The following MDGA2 variants were observed in gnomAD, a reference collection of about 807,000 sequenced individuals.
MDGA2 encodes MAM domain containing glycosylphosphatidylinositol anchor 2.
MDGA2 carries 40 observed loss-of-function variants against 117.8 expected under a neutral mutation model. That is an observed-to-expected ratio of 0.34 (90% CI 0.26 to 0.44). The LOEUF (loss-of-function observed/expected upper bound fraction) is 0.44. MDGA2 is among the 20% of genes least tolerant of loss of function. The pLI is 1.00. For missense variants in MDGA2, 1,123 were observed against 1,250.6 expected, an observed-to-expected ratio of 0.90 and a Z score of 1.54; for synonymous variants, 452 against 439.0, an observed-to-expected ratio of 1.03 and a Z score of -0.37.
At chr14:47,620,341 T>C (rs546131358) in intron 1 of MDGA2, among the ~76,000 whole-genome samples, 2 of 152,266 alleles carry the variant, frequency 1.3e-5, no homozygotes, top group Non-Finnish European at 2.9e-5. Context: ...TGGACACCAC[T>C]GTGATATTGT....
chr14:47,660,530 G>C (rs914609606), intron 1 of MDGA2, among the ~76,000 whole-genome samples: 78 of 152,176 alleles, frequency 5.1e-4, no homozygotes, highest in African/African-American at 1.8e-3. Context: ...GAGAAGGGCA[G>C]AGCTCGCAAT....
chr14:47,136,197 C>CTTTT (rs34818512), intron 4 of MDGA2, among the ~76,000 whole-genome samples: 2 of 131,034 alleles, frequency 1.5e-5, no homozygotes, highest in Non-Finnish European at 3.3e-5. Flanking sequence ...TGTTTTCTCT[C>CTTTT]TTTTTTTTTT....
chr14:47,312,178 C>A (rs2416043), intron 1 of MDGA2, among the ~76,000 whole-genome samples: 32,945 of 152,080 alleles, frequency 0.22, 4,385 homozygotes, highest in East Asian at 0.44. Context: ...TCTGCTCAAA[C>A]AATTCAATTT....
At chr14:47,523,681 G>A (rs1894915315) in intron 1 of MDGA2, among the ~76,000 whole-genome samples, 1 of 152,248 alleles carries the variant, frequency 6.6e-6, no homozygotes, top group African/African-American at 2.4e-5. Flanking sequence ...TCAGTCTCCA[G>A]GTGACTCCAG....
At chr14:47,593,658 A>G (rs529712553) in intron 1 of MDGA2, among the ~76,000 whole-genome samples, 73 of 152,222 alleles carry the variant, frequency 4.8e-4, no homozygotes, top group African/African-American at 1.5e-3. Flanking sequence ...GTTCTCACTC[A>G]TAAGTGTGAA....
chr14:47,175,366 G>A (rs1223932269), intron 3 of MDGA2, among the ~76,000 whole-genome samples: 2 of 151,418 alleles, frequency 1.3e-5, no homozygotes, highest in Non-Finnish European at 1.5e-5. Context: ...TTTTAGACCA[G>A]TATCCTTGAT....
chr14:47,642,737 A>C (rs1488302128), intron 1 of MDGA2, among the ~76,000 whole-genome samples: 1 of 152,106 alleles, frequency 6.6e-6, no homozygotes, highest in Non-Finnish European at 1.5e-5. Flanking sequence ...TCCATAACCC[A>C]ACTTCTGTTA....
chr14:46,899,622 A>C (rs1160073710), intron 10 of MDGA2, among the ~76,000 whole-genome samples: 1 of 152,040 alleles, frequency 6.6e-6, no homozygotes, highest in Admixed American at 6.6e-5. Flanking sequence ...AACCTAGACC[A>C]GCTGAGGATG....
intron 6 of MDGA2, among the ~76,000 whole-genome samples, chr14:47,082,103 CATT>C (rs1566613291): frequency 6.6e-6 from 1 of 152,036 alleles, no homozygotes; most frequent in Non-Finnish European, 1.5e-5. Context: ...GTTCTATCAT[CATT>C]GTTCTTCAAA....
intron 1 of MDGA2, among the ~76,000 whole-genome samples, chr14:47,496,000 G>A (rs1294374104): frequency 6.6e-6 from 1 of 151,652 alleles, no homozygotes; most frequent in East Asian, 1.9e-4. Flanking sequence ...TTTTTTCAAA[G>A]CTATTGGATA....
intron 2 of MDGA2, among the ~76,000 whole-genome samples, chr14:47,226,124 C>A (rs1886489219): frequency 6.6e-6 from 1 of 151,194 alleles, no homozygotes; most frequent in Non-Finnish European, 1.5e-5. Context: ...ACCCCTATCT[C>A]TACAAAAAAT....
intron 1 of MDGA2, chr14:47,444,412 C>T (rs1198255142): frequency 1.1e-5 from 2 of 189,268 alleles, no homozygotes; most frequent in African/African-American, 2.3e-5. Flanking sequence ...GGAGCACGGC[C>T]CCATAAGAAC....
chr14:46,996,842 T>C, intron 8 of MDGA2: 1 of 233,278 alleles, frequency 4.3e-6, no homozygotes, highest in East Asian at 1.1e-4. Flanking sequence ...CTCAAGGATA[T>C]GAATGAGCTT....
At chr14:47,233,164 C>A (rs1007689591) in intron 2 of MDGA2, among the ~76,000 whole-genome samples, 1 of 152,052 alleles carries the variant, frequency 6.6e-6, no homozygotes, top group Non-Finnish European at 1.5e-5. Flanking sequence ...ACCAGTTCAT[C>A]TATCCATGTA....
At position 47,216,848 on chromosome 14, in the gene MDGA2, C is replaced by G. The variant is rs144890666; in HGVS notation, c.595+1173G>C. ...TGGGAAGTATACAGGTGTGGTCAAC[C>G]TGTGCACCCATAATAATAAGGAAAG... is the stretch of plus-strand genomic sequence containing the variant. On this transcript the variant is annotated intron_variant, in intron 3 of 16. Transcript: ENST00000399232. Among the ~76,000 whole-genome samples, 162 of 152,112 alleles carry G rather than the reference C, an allele frequency of 1.1e-3. 2 individuals are homozygous for G. Among genetic ancestry groups the G allele is most frequent in the African/African-American group, 3.8e-3 (157 of 41,514 alleles).
chr14:47,516,863 A>G (rs1422033109), intron 1 of MDGA2, among the ~76,000 whole-genome samples: 4 of 152,202 alleles, frequency 2.6e-5, no homozygotes. Context: ...TTTCTACCAC[A>G]TGTAACTGAA....
At chr14:47,129,361 G>A (rs946586902) in intron 5 of MDGA2, among the ~76,000 whole-genome samples, 64 of 151,648 alleles carry the variant, frequency 4.2e-4, no homozygotes, top group Non-Finnish European at 6.6e-4. Flanking sequence ...TTGTTCTTGC[G>A]ATAGTTTACT....
chr14:47,022,010 TAGA>T (rs1888303591), intron 8 of MDGA2, among the ~76,000 whole-genome samples: 1 of 152,200 alleles, frequency 6.6e-6, no homozygotes, highest in Admixed American at 6.5e-5. Flanking sequence ...ACTGTACGTG[TAGA>T]GTTATAACTT....
At chr14:47,425,067 A>G (rs1892658391) in intron 1 of MDGA2, among the ~76,000 whole-genome samples, 1 of 152,164 alleles carries the variant, frequency 6.6e-6, no homozygotes, top group South Asian at 2.1e-4. Flanking sequence ...TAGACCTTCA[A>G]AAAGAATTTC....
Sources: gnomAD v4.1 joint callset for allele counts (sites outside exome capture counted in the v4.1 genomes callset) on GRCh38, gnomAD v4.1.1 for gene constraint, MANE v1.5 for transcripts, NCBI Gene and HGNC (gene_info 2026-07-23, HGNC 2026-07-21) for gene names.